The following SMCO2 variants were observed in gnomAD, a reference collection of about 807,000 sequenced individuals.
SMCO2 encodes the protein single-pass membrane and coiled-coil domain-containing protein 2.
In SMCO2, 25 loss-of-function variants were observed where a neutral mutation model predicts 29.5. The observed-to-expected ratio is 0.85, with a 90% CI of 0.62 to 1.18. The LOEUF (loss-of-function observed/expected upper bound fraction) is 1.18. Ranked by LOEUF, SMCO2 falls within the 50% of genes most tolerant of loss-of-function variation. The pLI, the probability that SMCO2 is intolerant of heterozygous loss-of-function variation, is 0.00. For synonymous variants in SMCO2, 117 were observed against 123.3 expected (o/e 0.95, Z 0.34); for missense variants, 348 against 344.5 (o/e 1.01, Z -0.08).
In SMCO2 at chr12:27,481,105, G is replaced by A. The variant is rs544549255; in HGVS notation, c.362+6192G>A. Among the ~76,000 whole-genome samples, 9 of 152,306 alleles carry A rather than the reference G, an allele frequency of 5.9e-5. No individual in the cohort carries two copies. The South Asian group carries it at 1.2e-3, about 21-fold the overall frequency. ...GGTGATACTGCAGCTCTGGGTGCAC[G>A]TAGAGGGATGTCGGCAGGGCTTCAG... On this transcript the variant is annotated intron_variant, in intron 4 of 7. Coordinates refer to ENST00000298876, the Ensembl canonical transcript of SMCO2.
chr12:27,453,192 T>C, the SMCO2 span, among the ~76,000 whole-genome samples: 1 of 152,190 alleles, frequency 6.6e-6, no homozygotes, highest in Non-Finnish European at 1.5e-5. Context: ...TCTCCAGGAA[T>C]TGGCTAGGTG....
the SMCO2 span, among the ~76,000 whole-genome samples, chr12:27,443,190 G>A: frequency 6.6e-6 from 1 of 152,090 alleles, no homozygotes; most frequent in Non-Finnish European, 1.5e-5. Context: ...TTCATCCCAG[G>A]GATGCAAGGA....
chr12:27,469,649 G>T (rs1949525450), intron 1 of SMCO2, among the ~76,000 whole-genome samples: 1 of 152,164 alleles, frequency 6.6e-6, no homozygotes, highest in Admixed American at 6.5e-5. Context: ...TGAATATACA[G>T]AAGAGAAGGT....
In SMCO2 at chr12:27,502,113, C is replaced by A. The variant is rs1265340536; in HGVS notation, c.874C>A (p.Pro292Thr). The A allele has an allele frequency of 4.6e-6, 7 of 1,536,980 alleles. No individual in the cohort carries two copies. The Admixed American group carries it at 1.0e-4, about 22-fold the overall frequency. ...GAATTTGGAAGTGGAAGCCTTGTTA[C>A]CCTCCTAAAGATACAGAAGTTACTG... The change falls in exon 8 of 8, where the codon CCC becomes ACC. Residue 292 changes from proline (P) to threonine (T), a missense_variant. Pro to Thr is a conservative substitution (Grantham distance 38). Transcript: ENST00000298876.
At chr12:27,453,607 A>G in the SMCO2 span, among the ~76,000 whole-genome samples, 2 of 152,182 alleles carry the variant, frequency 1.3e-5, no homozygotes, top group Admixed American at 6.5e-5. Flanking sequence ...AGGAGACAGA[A>G]TGTTGGCCGA....
chr12:27,434,158 G>T, the SMCO2 span, among the ~76,000 whole-genome samples: 2 of 152,150 alleles, frequency 1.3e-5, no homozygotes, highest in Non-Finnish European at 2.9e-5. Flanking sequence ...ATAAATGTTG[G>T]AATCTACAGT....
At chr12:27,465,596 A>C (rs1046564319), upstream of SMCO2, among the ~76,000 whole-genome samples, 1 of 152,236 alleles carries the variant, frequency 6.6e-6, no homozygotes, top group African/African-American at 2.4e-5. Context: ...ATATTGCCAT[A>C]AAAATCATGC....
chr12:27,427,496 G>A, the SMCO2 span, among the ~76,000 whole-genome samples: 1 of 152,126 alleles, frequency 6.6e-6, no homozygotes. Context: ...GAGGGCCTCA[G>A]GAGGCCTACC....
At position 27,470,003 on chromosome 12, in the gene SMCO2, C is replaced by T. The variant is rs896202411; in HGVS notation, c.-10-619C>T. 5.9e-5 allele frequency among the ~76,000 whole-genome samples: 9 copies of T among 152,336 alleles called. No individual in the cohort carries two copies. In the South Asian group the frequency reaches 1.2e-3, roughly 21 times the overall value. The stretch of plus-strand genomic sequence containing the variant: ...AACTCCTTTGAACCAGTAATTCCAC[C>T]TCTAAGGAAGTATTTAACTAATTAG... On this transcript the variant is annotated intron_variant, in intron 1 of 7. Coordinates refer to ENST00000298876, the Ensembl canonical transcript of SMCO2.
chr12:27,475,620 A>G, intron 4 of SMCO2: 1 of 1,550,138 alleles, frequency 6.5e-7, no homozygotes, highest in Non-Finnish European at 8.7e-7. Flanking sequence ...AACTACTGGA[A>G]CACAAAGATA....
chr12:27,490,268 C>T (rs1481069671), intron 5 of SMCO2, among the ~76,000 whole-genome samples: 2 of 152,158 alleles, frequency 1.3e-5, no homozygotes, highest in Admixed American at 1.3e-4. Context: ...AGACTATTTA[C>T]GTACTTTGTG....
At chr12:27,429,669 A>G in the SMCO2 span, among the ~76,000 whole-genome samples, 1 of 152,174 alleles carries the variant, frequency 6.6e-6, no homozygotes, top group African/African-American at 2.4e-5. Context: ...CTTTATTATG[A>G]AGCATTTAGG....
At chr12:27,444,398 A>G in the SMCO2 span, among the ~76,000 whole-genome samples, 1 of 152,198 alleles carries the variant, frequency 6.6e-6, no homozygotes, top group Non-Finnish European at 1.5e-5. Context: ...AACTACTAGA[A>G]GAAAACACAG....
rs549669035 is a variant in SMCO2 at position 27,494,268 on chromosome 12, C to T, written c.451-32C>T. 13 of 1,351,604 alleles carry T rather than the reference C, an allele frequency of 9.6e-6. No individual in the cohort carries two copies. The African/African-American group carries it at 1.5e-4, about 16-fold the overall frequency. 83.7% of individuals were successfully genotyped at this position (1,351,604 alleles called of 1,614,324 possible). On this transcript the variant is annotated intron_variant, in intron 5 of 7. Coordinates refer to ENST00000298876, the Ensembl canonical transcript of SMCO2. ...GTACAAACCAGAAAAATATAAGTTT[C>T]ATTTTACCCAGAATTGTGGATGTGT... is the stretch of plus-strand genomic sequence containing the variant.
the SMCO2 span, chr12:27,425,277 C>T: frequency 6.6e-6 from 1 of 151,198 alleles, no homozygotes; most frequent in African/African-American, 2.4e-5. Flanking sequence ...TAATAAACTT[C>T]CTCCAAAAAG....
chr12:27,432,603 A>T, the SMCO2 span, among the ~76,000 whole-genome samples: 3 of 152,236 alleles, frequency 2.0e-5, no homozygotes, highest in Non-Finnish European at 4.4e-5. Flanking sequence ...CTACATCTCC[A>T]GCAGGTGCAG....
At chr12:27,437,771 A>T in the SMCO2 span, among the ~76,000 whole-genome samples, 1 of 152,170 alleles carries the variant, frequency 6.6e-6, no homozygotes, top group African/African-American at 2.4e-5. Context: ...ACTTCCTGTC[A>T]ATATGGAAGA....
chr12:27,467,135 T>G (rs306635), intron 1 of SMCO2, among the ~76,000 whole-genome samples: 19,727 of 152,162 alleles, frequency 0.13, 1,599 homozygotes, highest in African/African-American at 0.23. Flanking sequence ...TGGTCAGGCC[T>G]GGAGAAATCC....
the SMCO2 span, among the ~76,000 whole-genome samples, chr12:27,449,536 T>A: frequency 6.6e-6 from 1 of 152,242 alleles, no homozygotes; most frequent in African/African-American, 2.4e-5. Flanking sequence ...TCTCCTCCAT[T>A]TCCTTCTTGG....
Sources: allele counts gnomAD v4.1 joint callset (sites outside exome capture counted in the v4.1 genomes callset), GRCh38; gene constraint gnomAD v4.1.1; transcripts MANE v1.5; gene names NCBI Gene and HGNC (gene_info 2026-07-23, HGNC 2026-07-21).